The following THAP5 variants were observed in gnomAD, a reference collection of about 807,000 sequenced individuals.
THAP5 encodes the protein THAP domain containing 5.
A neutral mutation model predicts 34.0 loss-of-function variants in THAP5; 26 were observed. The ratio of observed to expected loss-of-function variants is 0.77; its 90% CI spans 0.56 to 1.06. The LOEUF is 1.06. Among genes scored for constraint, THAP5 ranks in the 50% least tolerant of loss-of-function variants. THAP5 has a pLI of 0.00. For synonymous variants in THAP5, 125 were observed against 153.0 expected (o/e 0.82, Z 1.35); for missense variants, 394 against 452.8 (o/e 0.87, Z 1.18).
chr7:108,560,315 C>T (rs1864417361), downstream of THAP5, among the ~76,000 whole-genome samples: 1 of 152,208 alleles, frequency 6.6e-6, no homozygotes, highest in African/African-American at 2.4e-5. Flanking sequence ...CTTGCTCACC[C>T]ACAGCCTCTT....
chr7:108,552,142 G>C (rs1864357344), downstream of THAP5, among the ~76,000 whole-genome samples: 1 of 152,156 alleles, frequency 6.6e-6, no homozygotes, highest in South Asian at 2.1e-4. Flanking sequence ...TGCCCAGCTA[G>C]AGACCCTCTG....
chr7:108,544,276 C>T, the THAP5 span, among the ~76,000 whole-genome samples: 10 of 151,926 alleles, frequency 6.6e-5, no homozygotes, highest in African/African-American at 2.4e-4. Context: ...TCTGTAATCC[C>T]AGCACTTTGG....
intron 2 of THAP5, 125 bp downstream of exon 2, chr7:108,565,705 T>C: frequency 1.5e-6 from 1 of 679,816 alleles, no homozygotes; most frequent in Non-Finnish European, 2.2e-6. Flanking sequence ...CACAAATTAG[T>C]GCTCCCTTTT....
Position 108,569,617 on chromosome 7 carries a change from C to G in THAP5, c.-48G>C. 2 of 1,546,454 alleles carry G rather than the reference C, an allele frequency of 1.3e-6. No individual in the cohort carries two copies. The highest frequency in any genetic ancestry group is 1.7e-6 in the Non-Finnish European group (2 of 1,146,268). On this transcript the variant is annotated 5_prime_UTR_variant, in exon 1 of 3. Transcript: ENST00000415914. ...ACCGGGGCCGGCGACGGATGCAGGGCGGCCCTCCTCACTGAGGATGCGCCA... is the reference window on the plus strand; with the variant it reads ...ACCGGGGCCGGCGACGGATGCAGGGGGGCCCTCCTCACTGAGGATGCGCCA...
downstream of THAP5, among the ~76,000 whole-genome samples, chr7:108,552,220 G>A (rs1864358094): frequency 6.6e-6 from 1 of 152,140 alleles, no homozygotes; most frequent in African/African-American, 2.4e-5. Context: ...CTACCAAACT[G>A]TGTAGGGTGA....
Position 108,569,657 on chromosome 7 carries a change from T to C in THAP5, c.-88A>G. 1 of 1,493,254 alleles carries C rather than the reference T, an allele frequency of 6.7e-7. No homozygotes were observed. The highest frequency in any genetic ancestry group is 1.2e-5 in the South Asian group (1 of 82,848). The allele number at this position is 1,493,254 out of a possible 1,614,324, so 92.5% of individuals were successfully genotyped here. A position where few individuals can be genotyped will look rare whatever the true frequency, so the allele number is the denominator to read the frequency against. ...AGGATGCGCCACAGGTCCAGGCCTC[T>C]CGAGCCCCTGCGCCTGCGCTAGCAT... On this transcript the variant is annotated 5_prime_UTR_variant, in exon 1 of 3. Coordinates refer to ENST00000415914, the MANE Select transcript of THAP5 (RefSeq NM_001130475.3).
chr7:108,561,168 CTT>C (rs1235144829), downstream of THAP5, among the ~76,000 whole-genome samples: 1 of 152,164 alleles, frequency 6.6e-6, no homozygotes, highest in African/African-American at 2.4e-5. Context: ...CAAATCCTCT[CTT>C]GCATTAAAAT....
At chr7:108,542,921 T>A in the THAP5 span, among the ~76,000 whole-genome samples, 4,795 of 149,616 alleles carry the variant, frequency 0.032, 210 homozygotes, top group East Asian at 0.13. Context: ...TTTTTAAATT[T>A]AATTTATTTT....
downstream of THAP5, among the ~76,000 whole-genome samples, chr7:108,553,382 C>G (rs1162737783): frequency 1.3e-5 from 2 of 152,170 alleles, no homozygotes; most frequent in Non-Finnish European, 2.9e-5. Flanking sequence ...AGCTCTGTCT[C>G]TAGTTCTTAA....
At chr7:108,548,872 C>T in the THAP5 span, among the ~76,000 whole-genome samples, 1 of 152,130 alleles carries the variant, frequency 6.6e-6, no homozygotes, top group East Asian at 1.9e-4. Flanking sequence ...GGTGGGGACA[C>T]AGCCAAACCA....
At chr7:108,542,896 G>T in the THAP5 span, among the ~76,000 whole-genome samples, 2 of 151,956 alleles carry the variant, frequency 1.3e-5, no homozygotes, top group African/African-American at 4.8e-5. Flanking sequence ...TAGAAGACTA[G>T]GCTCAAAACT....
At position 108,565,890 on chromosome 7, in the gene THAP5, A is replaced by G; in HGVS notation, c.213T>C (p.Gly71=). The G allele has an allele frequency of 1.3e-6, 2 of 1,548,560 alleles. No individual in the cohort carries two copies. Among genetic ancestry groups the G allele is most frequent in the Non-Finnish European group, 1.7e-6 (2 of 1,146,494 alleles). ...CTGCAGTTTGTTTTAAATATCGAATACCCCATCTGATGTCAAGAGAGTCAG... is the reference window on the plus strand; with the variant it reads ...CTGCAGTTTGTTTTAAATATCGAATGCCCCATCTGATGTCAAGAGAGTCAG... ...FTPDSLDIRW[G]IRYLKQTAVP... Residue 71 remains glycine, a synonymous_variant, in exon 2 of 3, where the codon GGT becomes GGC. Transcript: ENST00000415914.
chr7:108,566,482 T>G (rs2154518112), intron 1 of THAP5, among the ~76,000 whole-genome samples: 1 of 152,278 alleles, frequency 6.6e-6, no homozygotes, highest in South Asian at 2.1e-4. Flanking sequence ...GTATTAAGCT[T>G]TACAATCTTA....
At chr7:108,554,948 G>C (rs1011944550) in intron 1 of THAP5, 1 of 152,032 alleles carries the variant, frequency 6.6e-6, no homozygotes, top group Non-Finnish European at 1.5e-5. Flanking sequence ...AATCCATTTT[G>C]TGTTTAGTTT....
the THAP5 span, among the ~76,000 whole-genome samples, chr7:108,547,356 T>C: frequency 1.3e-5 from 2 of 152,200 alleles, no homozygotes; most frequent in Non-Finnish European, 2.9e-5. Flanking sequence ...AATATTCTAG[T>C]TCATTGTGCA....
downstream of THAP5, among the ~76,000 whole-genome samples, chr7:108,558,385 A>G (rs1025179528): frequency 0.03 from 1,887 of 63,356 alleles, 129 homozygotes; most frequent in African/African-American, 0.12. Context: ...GTGTATGTAT[A>G]TATATATATA....
intron 1 of THAP5, 155 bp downstream of exon 1, chr7:108,569,335 A>C: frequency 6.8e-7 from 1 of 1,481,096 alleles, no homozygotes; most frequent in Non-Finnish European, 8.9e-7. Context: ...AGCTAAACTG[A>C]ACTAGCGCCT....
the THAP5 span, among the ~76,000 whole-genome samples, chr7:108,543,186 C>T: frequency 6.6e-6 from 1 of 152,092 alleles, no homozygotes; most frequent in Non-Finnish European, 1.5e-5. Context: ...CTCAGCCTCC[C>T]AAAGTGCTGG....
the THAP5 span, among the ~76,000 whole-genome samples, chr7:108,549,247 G>A: frequency 6.6e-6 from 1 of 151,700 alleles, no homozygotes; most frequent in African/African-American, 2.4e-5. Context: ...TCAGCCTCCT[G>A]AGTAGCTGGG....
Sources: gnomAD v4.1 joint callset for allele counts (sites outside exome capture counted in the v4.1 genomes callset) on GRCh38, gnomAD v4.1.1 for gene constraint, MANE v1.5 for transcripts, NCBI Gene and HGNC (gene_info 2026-07-23, HGNC 2026-07-21) for gene names.